The following EIPR1 variants were observed in gnomAD, a reference collection of about 807,000 sequenced individuals.
EIPR1 encodes the protein EARP and GARP complex-interacting protein 1.
EIPR1 carries 25 observed loss-of-function variants against 48.1 expected under a neutral mutation model. The ratio of observed to expected loss-of-function variants is 0.52; its 90% CI spans 0.38 to 0.73. EIPR1 has a LOEUF of 0.73. Among genes scored for constraint, EIPR1 ranks in the 30% least tolerant of loss-of-function variants. The probability of loss-of-function intolerance (pLI) is 0.00; values close to 1 mark genes in which losing one functional copy is unlikely to be tolerated. For missense variants in EIPR1, 415 were observed against 506.2 expected (o/e 0.82, Z 1.73); for synonymous variants, 204 against 201.9 (o/e 1.01, Z -0.09).
rs567272565 is a variant in EIPR1 at position 3,350,405 on chromosome 2, A to G, written c.126+4145T>C. Among the ~76,000 whole-genome samples, 4 of 152,244 alleles carry G rather than the reference A, an allele frequency of 2.6e-5. No individual in the cohort carries two copies. The East Asian group carries it at 7.7e-4, about 29-fold the overall frequency. Reference sequence around the variant, plus strand: ...GGGGGGAATCCACGCCCATGATCCAATCACCTCCAACCAGGCCCCTCCCTC... The same window carrying G: ...GGGGGGAATCCACGCCCATGATCCAGTCACCTCCAACCAGGCCCCTCCCTC... On this transcript the variant is annotated intron_variant, in intron 2 of 8. Coordinates refer to ENST00000382125, the MANE Select transcript of EIPR1 (RefSeq NM_003310.5).
At chr2:3,270,145 AT>A (rs371311346) in intron 3 of EIPR1, among the ~76,000 whole-genome samples, 1 of 152,374 alleles carries the variant, frequency 6.6e-6, no homozygotes, top group African/African-American at 2.4e-5. Flanking sequence ...CATTTTGCCC[AT>A]ATAACCAGGA....
chr2:3,195,097 T>C (rs548137839), intron 6 of EIPR1, among the ~76,000 whole-genome samples: 387 of 152,354 alleles, frequency 2.5e-3, no homozygotes, highest in African/African-American at 8.9e-3. Context: ...CTATGGTCCT[T>C]GGCTGCTCCT....
intron 3 of EIPR1, among the ~76,000 whole-genome samples, chr2:3,289,172 CA>C (rs1668294452): frequency 6.6e-6 from 1 of 152,192 alleles, no homozygotes; most frequent in Admixed American, 6.5e-5. Flanking sequence ...TATTAATTGG[CA>C]AACCTCTTTG....
intron 3 of EIPR1, among the ~76,000 whole-genome samples, chr2:3,287,016 G>T (rs1174222321): frequency 6.7e-6 from 1 of 148,184 alleles, no homozygotes; most frequent in African/African-American, 2.5e-5. Context: ...CGGCGGTGGG[G>T]AGCACACAGA....
At chr2:3,210,260 G>A (rs1453673654) in intron 5 of EIPR1, among the ~76,000 whole-genome samples, 1 of 152,140 alleles carries the variant, frequency 6.6e-6, no homozygotes, top group Non-Finnish European at 1.5e-5. Context: ...ATAGGAAAGA[G>A]CATTGCCAGC....
intron 4 of EIPR1, among the ~76,000 whole-genome samples, chr2:3,234,365 T>C (rs1389127202): frequency 6.6e-6 from 1 of 152,230 alleles, no homozygotes; most frequent in Non-Finnish European, 1.5e-5. Context: ...CTTGTTTCTC[T>C]ACCTTTTCCA....
At chr2:3,283,455 G>A (rs1668076610) in intron 3 of EIPR1, among the ~76,000 whole-genome samples, 1 of 152,238 alleles carries the variant, frequency 6.6e-6, no homozygotes, top group South Asian at 2.1e-4. Context: ...AGCTGAGGGG[G>A]AAGCTGCTGC....
At chr2:3,222,583 T>C (rs930430423) in intron 4 of EIPR1, among the ~76,000 whole-genome samples, 2 of 152,166 alleles carry the variant, frequency 1.3e-5, no homozygotes, top group Non-Finnish European at 2.9e-5. Context: ...GCTTCTTGGG[T>C]TCTGAAGATC....
At chr2:3,342,331 T>G (rs1027593046) in intron 2 of EIPR1, among the ~76,000 whole-genome samples, 2 of 152,254 alleles carry the variant, frequency 1.3e-5, no homozygotes, top group Admixed American at 6.5e-5. Context: ...AGAAGTAATT[T>G]TTGTGTTGCT....
chr2:3,370,590 T>G (rs1671090753), intron 1 of EIPR1, among the ~76,000 whole-genome samples: 1 of 152,080 alleles, frequency 6.6e-6, no homozygotes, highest in South Asian at 2.1e-4. Context: ...ATGTGAAGAA[T>G]GCAGAAGCCT....
At chr2:3,330,910 G>A (rs1437287392) in intron 3 of EIPR1, among the ~76,000 whole-genome samples, 1 of 105,620 alleles carries the variant, frequency 9.5e-6, no homozygotes, top group Non-Finnish European at 1.8e-5. Flanking sequence ...ATGAGACGGT[G>A]TAAGCAGAGA....
intron 4 of EIPR1, among the ~76,000 whole-genome samples, chr2:3,220,867 G>A (rs1409974766): frequency 4.1e-5 from 6 of 146,004 alleles, no homozygotes; most frequent in East Asian, 2.1e-4. Flanking sequence ...CGCAATGGCC[G>A]AGGTACACTC....
At chr2:3,252,099 T>C (rs984243152) in intron 4 of EIPR1, among the ~76,000 whole-genome samples, 5 of 151,940 alleles carry the variant, frequency 3.3e-5, no homozygotes, top group Admixed American at 3.3e-4. Context: ...TTCAATACGA[T>C]ATGGTTGTTG....
At chr2:3,348,894 C>A (rs1471805442) in intron 2 of EIPR1, among the ~76,000 whole-genome samples, 10 of 152,236 alleles carry the variant, frequency 6.6e-5, no homozygotes, top group African/African-American at 2.4e-4. Flanking sequence ...AGGGGCAGGG[C>A]TGCAGTCCAC....
chr2:3,341,122 A>AAAAAAAAAAAAAG (rs1670234053), intron 2 of EIPR1, among the ~76,000 whole-genome samples: 1 of 106,672 alleles, frequency 9.4e-6, no homozygotes, highest in African/African-American at 3.1e-5. Flanking sequence ...AAAAAAAAAC[A>AAAAAAAAAAAAAG]AAACAAAACT....
At chr2:3,369,030 A>C (rs1480097063) in intron 1 of EIPR1, among the ~76,000 whole-genome samples, 2 of 152,168 alleles carry the variant, frequency 1.3e-5, no homozygotes, top group African/African-American at 4.8e-5. Context: ...ACTGACAAAC[A>C]AACAAAAAAA....
At chr2:3,318,381 G>A (rs1669380232) in intron 3 of EIPR1, among the ~76,000 whole-genome samples, 1 of 152,194 alleles carries the variant, frequency 6.6e-6, no homozygotes, top group Non-Finnish European at 1.5e-5. Flanking sequence ...CTGCTCCAGG[G>A]ACCAAGTCTT....
At chr2:3,233,610 T>C (rs1666310208) in intron 4 of EIPR1, among the ~76,000 whole-genome samples, 1 of 152,232 alleles carries the variant, frequency 6.6e-6, no homozygotes, top group Non-Finnish European at 1.5e-5. Context: ...TGCTTTAATC[T>C]GCGTTTTCTA....
At chr2:3,300,896 TG>T (rs879425532) in intron 3 of EIPR1, 1 of 152,202 alleles carries the variant, frequency 6.6e-6, no homozygotes, top group Admixed American at 6.5e-5. Flanking sequence ...CACAGGCTTC[TG>T]TGTGTTCTTC....
Sources: allele counts gnomAD v4.1 joint callset (sites outside exome capture counted in the v4.1 genomes callset), GRCh38; gene constraint gnomAD v4.1.1; transcripts MANE v1.5; gene names NCBI Gene and HGNC (gene_info 2026-07-23, HGNC 2026-07-21).